The following HTT variants were observed in gnomAD, a reference collection of about 807,000 sequenced individuals.
HTT encodes huntingtin.
Under a neutral mutation model 362.3 loss-of-function variants are expected in HTT, and 104 were observed. The observed-to-expected ratio is 0.29, with a 90% CI of 0.24 to 0.34. The LOEUF (loss-of-function observed/expected upper bound fraction) is 0.34, where lower values mean the gene tolerates loss of function less well. Among genes scored for constraint, HTT ranks in the 10% least tolerant of loss-of-function variants. The pLI is 1.00. For synonymous variants in HTT, 1,577 were observed against 1,548.7 expected (o/e 1.02, Z -0.43); for missense variants, 3,301 against 3,928.6 (o/e 0.84, Z 4.27).
At position 3,215,114 on chromosome 4, in the gene HTT, A is replaced by C; in HGVS notation, c.6957A>C (p.Ala2319=). The part of the protein sequence containing the change: ...YCVHFILEAV[A]VQPGEQLLSP... ...TTTGTTCTGTTGTAATTTTAGTTGC[A>C]GTGCAGCCTGGAGAGCAGCTTCTTA... is the stretch of plus-strand genomic sequence containing the variant. The change falls in exon 51 of 67, where the codon GCA becomes GCC. Residue 2319 remains alanine, a synonymous_variant. Coordinates refer to ENST00000355072, the MANE Select transcript of HTT (RefSeq NM_001388492.1). 6.2e-7 allele frequency: 1 copy of C among 1,612,214 alleles called. No individual in the cohort carries two copies. Among genetic ancestry groups the C allele is most frequent in the Non-Finnish European group, 8.5e-7 (1 of 1,178,410 alleles).
chr4:3,174,768 T>C lies in HTT; in HGVS notation c.4214T>C (p.Leu1405Pro). ...GTGTCTACCCAGTTGAAGACAAACC[T>C]CACGAGTGTCACAAAGAACCGTGCA... ...QKVSTQLKTNLTSVTKNRADK... is the reference protein window; with the variant it reads ...QKVSTQLKTNPTSVTKNRADK... Residue 1405 changes from leucine (L) to proline (P), a missense_variant, in exon 32 of 67, where the codon CTC becomes CCC. By Grantham distance (98) the Leu-to-Pro change is moderately conservative (BLOSUM62 -3). Transcript: ENST00000355072. 1 of 1,614,140 alleles carries C rather than the reference T, an allele frequency of 6.2e-7. No homozygotes were observed. Among genetic ancestry groups the C allele is most frequent in the Non-Finnish European group, 8.5e-7 (1 of 1,180,000 alleles).
Position 3,240,990 on chromosome 4 carries a change from C to A in HTT, c.*931C>A. The A allele has an allele frequency of 6.6e-6, 1 of 152,560 alleles. No homozygotes were observed. The highest frequency in any genetic ancestry group is 1.5e-5 in the Non-Finnish European group (1 of 68,222). 9.5% of individuals were successfully genotyped at this position (152,560 alleles called of 1,614,324 possible). ...CCCACCAGTCAGGGACAGCAGCCTC[C>A]CTGTCACTCAGCTGAGAAGGCCAGC... On this transcript the variant is annotated 3_prime_UTR_variant, in exon 67 of 67. Coordinates refer to ENST00000355072, the MANE Select transcript of HTT (RefSeq NM_001388492.1).
chr4:3,093,899 A>T (rs1227594663), intron 2 of HTT, among the ~76,000 whole-genome samples: 77 of 67,748 alleles, frequency 1.1e-3, no homozygotes, highest in South Asian at 1.5e-3. Context: ...TTACCCCTTT[A>T]AGTTGGTTTT....
At chr4:3,210,393 G>A (rs964372468) in intron 47 of HTT, among the ~76,000 whole-genome samples, 7 of 152,216 alleles carry the variant, frequency 4.6e-5, no homozygotes, top group Middle Eastern at 3.2e-3. Context: ...AATGCGTGAC[G>A]TCAATAACTT....
intron 8 of HTT, among the ~76,000 whole-genome samples, chr4:3,116,610 T>C (rs2110172920): frequency 6.6e-6 from 1 of 152,308 alleles, no homozygotes; most frequent in South Asian, 2.1e-4. Context: ...AGGGGCTGGG[T>C]ATACAATGGT....
chr4:3,130,299 T>C lies in HTT; in HGVS notation c.1868-6T>C. 1 of 1,513,590 alleles carries C rather than the reference T, an allele frequency of 6.6e-7. No individual in the cohort carries two copies. Among genetic ancestry groups the C allele is most frequent in the Non-Finnish European group, 9.0e-7 (1 of 1,109,436 alleles). 93.8% of individuals were successfully genotyped at this position (1,513,590 alleles called of 1,614,324 possible). ...TCACTTAATCTTGATTTCTCTGTTT[T>C]TAAAGCCCTTCAACAGGCACATTTA... is the stretch of plus-strand genomic sequence containing the variant. On this transcript the variant is annotated splice_region_variant and splice_polypyrimidine_tract_variant and intron_variant, in intron 13 of 66. Coordinates refer to ENST00000355072, the MANE Select transcript of HTT (RefSeq NM_001388492.1).
At chr4:3,145,126 T>G in intron 23 of HTT, 26 bp from the exon 24 acceptor site, 1 of 1,549,754 alleles carries the variant, frequency 6.5e-7, no homozygotes. Flanking sequence ...TGTTTGGGTG[T>G]GATTTTATTG....
chr4:3,205,966 A>C (rs1719836295), intron 42 of HTT, among the ~76,000 whole-genome samples: 1 of 152,112 alleles, frequency 6.6e-6, no homozygotes. Flanking sequence ...GATTTATTTG[A>C]TATGTGGGAT....
At chr4:3,227,060 C>T (rs1720955868) in intron 57 of HTT, among the ~76,000 whole-genome samples, 1 of 152,214 alleles carries the variant, frequency 6.6e-6, no homozygotes, top group South Asian at 2.1e-4. Flanking sequence ...GTGCCTCTGG[C>T]CTTGTCCTGG....
At chr4:3,217,058 G>A (rs1203900701) in intron 51 of HTT, among the ~76,000 whole-genome samples, 1 of 151,968 alleles carries the variant, frequency 6.6e-6, no homozygotes, top group East Asian at 1.9e-4. Context: ...AAGCCAACTC[G>A]TTAGCGTGGG....
chr4:3,145,008 G>A (rs950113143), intron 23 of HTT, 144 bp from the exon 24 acceptor site: 2 of 684,742 alleles, frequency 2.9e-6, no homozygotes, highest in Non-Finnish European at 5.3e-6. Flanking sequence ...GTTGTACCAT[G>A]GTGGGACAGA....
rs1331329134 is a variant in HTT at position 3,242,770 on chromosome 4, C to T, written c.*2711C>T. ...TGGGGAGATTGCTTTTGTTTTCCTGCTGGTAATATCGGGAAAGATTTTAAT... is the reference window on the plus strand; with the variant it reads ...TGGGGAGATTGCTTTTGTTTTCCTGTTGGTAATATCGGGAAAGATTTTAAT... On this transcript the variant is annotated 3_prime_UTR_variant, in exon 67 of 67. Transcript: ENST00000355072. 1 of 152,166 alleles carries T rather than the reference C, an allele frequency of 6.6e-6. No individual in the cohort carries two copies. Among genetic ancestry groups the T allele is most frequent in the East Asian group, 1.9e-4 (1 of 5,198 alleles). 9.4% of individuals were successfully genotyped at this position (152,166 alleles called of 1,614,324 possible). A position where few individuals can be genotyped will look rare whatever the true frequency, so the allele number is the denominator to read the frequency against.
chr4:3,167,398 C>T (rs1717771558), intron 29 of HTT, among the ~76,000 whole-genome samples: 1 of 152,194 alleles, frequency 6.6e-6, no homozygotes, highest in African/African-American at 2.4e-5. Flanking sequence ...TCTCTTTGCC[C>T]TAAACCACTG....
Position 3,148,950 on chromosome 4 carries a change from C to G in HTT, c.3498+743C>G, listed in dbSNP as rs555162448. Among the ~76,000 whole-genome samples the G allele has an allele frequency of 3.3e-5, 5 of 152,280 alleles. No homozygotes were observed. In the South Asian group the frequency reaches 1.0e-3, roughly 32 times the overall value. The stretch of plus-strand genomic sequence containing the variant: ...CCAGCCTGGGTGACAGAGTCAGACT[C>G]TTTCCAAAAGAAGAAAAAAATGTGA... On this transcript the variant is annotated intron_variant, in intron 26 of 66. Coordinates refer to ENST00000355072, the MANE Select transcript of HTT (RefSeq NM_001388492.1).
At position 3,132,972 on chromosome 4, in the gene HTT, A is replaced by G. The variant is rs545714443; in HGVS notation, c.2493+61A>G. On this transcript the variant is annotated intron_variant, in intron 18 of 66. Coordinates refer to ENST00000355072, the MANE Select transcript of HTT (RefSeq NM_001388492.1). ...TAGTGGACATTTTATCATTGCTACA[A>G]TTAAAATTGGAGCTTAATAGGAAAT... is the stretch of plus-strand genomic sequence containing the variant. The G allele has an allele frequency of 7.2e-5, 89 of 1,239,052 alleles. 1 individual carries two copies. The South Asian group carries it at 9.9e-4, about 14-fold the overall frequency. 76.8% of individuals were successfully genotyped at this position (1,239,052 alleles called of 1,614,324 possible). A position where few individuals can be genotyped will look rare whatever the true frequency, so the allele number is the denominator to read the frequency against.
chr4:3,224,957 G>C (rs550505176), intron 56 of HTT, among the ~76,000 whole-genome samples: 1 of 152,128 alleles, frequency 6.6e-6, no homozygotes, highest in South Asian at 2.1e-4. Context: ...GAGGTGGGTG[G>C]GAGGCATACA....
At chr4:3,131,879 C>A in intron 16 of HTT, 104 bp downstream of exon 16, 2 of 1,114,046 alleles carry the variant, frequency 1.8e-6, no homozygotes, top group Non-Finnish European at 2.6e-6. Context: ...GTTTTGAGTT[C>A]ATTTGGGATA....
At chr4:3,226,957 A>G (rs933886903) in intron 57 of HTT, among the ~76,000 whole-genome samples, 2 of 152,234 alleles carry the variant, frequency 1.3e-5, no homozygotes, top group African/African-American at 4.8e-5. Context: ...TTCCACCCCA[A>G]GATAAGTGAA....
At chr4:3,084,632 G>C (rs1330952509) in intron 1 of HTT, among the ~76,000 whole-genome samples, 3 of 151,658 alleles carry the variant, frequency 2.0e-5, no homozygotes, top group Non-Finnish European at 4.4e-5. Flanking sequence ...AGAGGTTGCA[G>C]TGAGCTGAGA....
Sources: allele counts gnomAD v4.1 joint callset (sites outside exome capture counted in the v4.1 genomes callset), GRCh38; gene constraint gnomAD v4.1.1; transcripts MANE v1.5; gene names NCBI Gene and HGNC (gene_info 2026-07-23, HGNC 2026-07-21).